Variants in SAMD3 observed in about 807,000 individuals in gnomAD.
SAMD3 encodes sterile alpha motif domain containing 3.
In SAMD3, 63 loss-of-function variants were observed where a neutral mutation model predicts 58.5. The observed-to-expected ratio is 1.08, with a 90% CI of 0.88 to 1.33. The LOEUF (loss-of-function observed/expected upper bound fraction) is 1.33. SAMD3 is among the 40% of genes most tolerant of loss of function. The probability of loss-of-function intolerance (pLI) is 0.00; values close to 1 mark genes in which losing one functional copy is unlikely to be tolerated. For synonymous variants in SAMD3, 220 were observed against 210.3 expected, an observed-to-expected ratio of 1.05 and a Z score of -0.40; for missense variants, 604 against 608.4, an observed-to-expected ratio of 0.99 and a Z score of 0.08.
intron 9 of SAMD3, among the ~76,000 whole-genome samples, chr6:130,151,354 A>G (rs949280416): frequency 6.6e-6 from 1 of 151,766 alleles, no homozygotes; most frequent in Non-Finnish European, 1.5e-5. Context: ...TTCCAGCTTT[A>G]TCCATGTTAA....
intron 8 of SAMD3, among the ~76,000 whole-genome samples, chr6:130,167,449 T>C (rs1446274212): frequency 1.3e-5 from 2 of 152,184 alleles, no homozygotes; most frequent in East Asian, 3.8e-4. Flanking sequence ...CACCTAAGGA[T>C]TATGACAAAA....
chr6:130,179,094 G>C (rs2184503), intron 7 of SAMD3, among the ~76,000 whole-genome samples: 100,001 of 152,096 alleles, frequency 0.66, 35,135 homozygotes, highest in East Asian at 0.97. Flanking sequence ...CCTGGTGGGA[G>C]GTATTATAGC....
At chr6:130,286,437 C>T (rs1053555282) in intron 2 of SAMD3, among the ~76,000 whole-genome samples, 11 of 152,280 alleles carry the variant, frequency 7.2e-5, no homozygotes, top group Admixed American at 3.3e-4. Context: ...GTCAAGGTTA[C>T]GGCACAGTTC....
intron 5 of SAMD3, among the ~76,000 whole-genome samples, chr6:130,201,532 G>A (rs1000494983): frequency 6.6e-6 from 1 of 152,176 alleles, no homozygotes. Flanking sequence ...AGAAGAATCA[G>A]TTTAGGACAT....
chr6:130,220,906 T>G (rs1487210460), intron 1 of SAMD3, among the ~76,000 whole-genome samples: 2 of 151,868 alleles, frequency 1.3e-5, no homozygotes, highest in African/African-American at 4.8e-5. Flanking sequence ...CAGGCTGGAG[T>G]GCAGTGGCAC....
chr6:130,271,951 G>T (rs1226032486), intron 2 of SAMD3, among the ~76,000 whole-genome samples: 1 of 152,156 alleles, frequency 6.6e-6, no homozygotes, highest in Non-Finnish European at 1.5e-5. Context: ...ACCTCCCACT[G>T]GGTCCCTCCC....
At position 130,336,274 on chromosome 6, in the gene SAMD3, C is replaced by T. The variant is rs1396357658; in HGVS notation, c.-303-23181G>A. ...CACATATGAGATATTTTCTAGTATCCCTGCTTTACAGATAAGGAAAATGAG... is the reference window on the plus strand; with the variant it reads ...CACATATGAGATATTTTCTAGTATCTCTGCTTTACAGATAAGGAAAATGAG... On this transcript the variant is annotated intron_variant, in intron 1 of 13. Transcript: ENST00000368134. 3.3e-5 allele frequency among the ~76,000 whole-genome samples: 5 copies of T among 152,004 alleles called. No homozygotes were observed. In the South Asian group the frequency reaches 6.2e-4, roughly 19 times the overall value.
chr6:130,214,185 G>T, intron 4 of SAMD3, 152 bp downstream of exon 4: 1 of 553,808 alleles, frequency 1.8e-6, no homozygotes, highest in Non-Finnish European at 2.9e-6. Context: ...AAATTTTACA[G>T]TGTCCTTTGC....
chr6:130,156,617 G>A (rs1789806155), intron 8 of SAMD3, among the ~76,000 whole-genome samples: 1 of 152,080 alleles, frequency 6.6e-6, no homozygotes, highest in South Asian at 2.1e-4. Flanking sequence ...CAGTTTGGGG[G>A]CCACTGTTAT....
intron 2 of SAMD3, among the ~76,000 whole-genome samples, chr6:130,238,237 G>A (rs1409790402): frequency 6.6e-6 from 1 of 152,102 alleles, no homozygotes; most frequent in African/African-American, 2.4e-5. Context: ...CTTATGACTG[G>A]GGATTAATAT....
At chr6:130,288,577 T>C (rs912875557) in intron 2 of SAMD3, among the ~76,000 whole-genome samples, 3 of 152,250 alleles carry the variant, frequency 2.0e-5, no homozygotes, top group African/African-American at 7.2e-5. Flanking sequence ...AAGGGACAGG[T>C]GAAAGTTCGG....
intron 9 of SAMD3, among the ~76,000 whole-genome samples, chr6:130,149,819 A>G (rs1249024883): frequency 6.6e-6 from 1 of 152,134 alleles, no homozygotes; most frequent in Non-Finnish European, 1.5e-5. Context: ...ACGACATGCA[A>G]TCTACTTATA....
intron 8 of SAMD3, chr6:130,159,640 C>T (rs1790104593): frequency 6.6e-6 from 1 of 152,166 alleles, no homozygotes; most frequent in Non-Finnish European, 1.5e-5. Flanking sequence ...TGATTGATAA[C>T]TCTAACTACA....
intron 2 of SAMD3, among the ~76,000 whole-genome samples, chr6:130,300,023 C>A (rs1178953544): frequency 6.6e-6 from 1 of 152,114 alleles, no homozygotes; most frequent in Non-Finnish European, 1.5e-5. Context: ...CAAATTCTAC[C>A]AGATGTTCAA....
At chr6:130,317,764 C>T (rs9492546) in intron 1 of SAMD3, among the ~76,000 whole-genome samples, 1 of 151,976 alleles carries the variant, frequency 6.6e-6, no homozygotes, top group Non-Finnish European at 1.5e-5. Flanking sequence ...CATTGTGTGC[C>T]GGCAACAAAG....
intron 2 of SAMD3, among the ~76,000 whole-genome samples, chr6:130,251,769 C>T (rs998187058): frequency 2.0e-5 from 3 of 152,066 alleles, no homozygotes; most frequent in African/African-American, 7.2e-5. Context: ...TCTGTAGCTT[C>T]GTAGCAAGTT....
chr6:130,151,832 A>G (rs1397631753), intron 9 of SAMD3, among the ~76,000 whole-genome samples: 1 of 152,230 alleles, frequency 6.6e-6, no homozygotes. Flanking sequence ...TCAGGAAGGC[A>G]GAAACTATGG....
chr6:130,225,790 T>G (rs1214690690), upstream of SAMD3, among the ~76,000 whole-genome samples: 2 of 152,206 alleles, frequency 1.3e-5, no homozygotes, highest in East Asian at 3.8e-4. Flanking sequence ...AGTATTTCTA[T>G]AACCAGGCCA....
intron 2 of SAMD3, among the ~76,000 whole-genome samples, chr6:130,250,956 TAGC>T (rs1342190187): frequency 6.6e-6 from 1 of 152,212 alleles, no homozygotes; most frequent in Admixed American, 6.5e-5. Flanking sequence ...TGTATATACT[TAGC>T]AGTGGTATTG....
Sources: gnomAD v4.1 joint callset for allele counts (sites outside exome capture counted in the v4.1 genomes callset) on GRCh38, gnomAD v4.1.1 for gene constraint, MANE v1.5 for transcripts, NCBI Gene and HGNC (gene_info 2026-07-23, HGNC 2026-07-21) for gene names.